MRPS28: variants seen among roughly 807,000 people sequenced by gnomAD.
MRPS28 encodes the protein mitochondrial ribosomal protein S28, also known as small ribosomal subunit protein bS1m.
In MRPS28, 7 loss-of-function variants were observed where a neutral mutation model predicts 10.8. The observed-to-expected ratio is 0.65, with a 90% CI of 0.37 to 1.22. The LOEUF is 1.22. MRPS28 is among the 50% of genes most tolerant of loss of function. The pLI, the probability that MRPS28 is intolerant of heterozygous loss-of-function variation, is 0.02. For missense variants in MRPS28, 265 were observed against 232.9 expected, an observed-to-expected ratio of 1.14 and a Z score of -0.90; for synonymous variants, 121 against 93.3, an observed-to-expected ratio of 1.30 and a Z score of -1.71.
chr8:79,936,017 T>C lies in MRPS28; in HGVS notation c.396-16869A>G, dbSNP rs145407771. Among the ~76,000 whole-genome samples, 3 of 151,738 alleles carry C rather than the reference T, an allele frequency of 2.0e-5. No individual in the cohort carries two copies. In the South Asian group the frequency reaches 6.2e-4, roughly 31 times the overall value. The stretch of plus-strand genomic sequence containing the variant: ...AAAAATGCAAATTAAATCCACATAC[T>C]TTTGCTATTAATATTAAATATAATA... On this transcript the variant is annotated intron_variant, in intron 2 of 2. Coordinates refer to ENST00000276585, the MANE Select transcript of MRPS28 (RefSeq NM_014018.3).
chr8:79,959,182 T>G (rs1229983107), intron 2 of MRPS28, among the ~76,000 whole-genome samples: 1 of 152,114 alleles, frequency 6.6e-6, no homozygotes, highest in Non-Finnish European at 1.5e-5. Context: ...CTAACCGACT[T>G]TAATAATAGC....
At chr8:79,983,557 AC>A (rs1808044938) in intron 2 of MRPS28, among the ~76,000 whole-genome samples, 1 of 152,204 alleles carries the variant, frequency 6.6e-6, no homozygotes, top group South Asian at 2.1e-4. Context: ...AACTAGAATA[AC>A]CAATACAGAG....
rs1277215742 is a variant in MRPS28 at position 79,925,983 on chromosome 8, T to G, written c.396-6835A>C. On this transcript the variant is annotated intron_variant, in intron 2 of 2. Coordinates refer to ENST00000276585, the MANE Select transcript of MRPS28 (RefSeq NM_014018.3). ...GCCTGGGTGACAGAGCAAGACCCTG[T>G]AGAGAAAAGAAAAGAAAAAAAAAAA... Among the ~76,000 whole-genome samples the G allele has an allele frequency of 4.6e-5, 6 of 130,524 alleles. No individual in the cohort carries two copies. In the Admixed American group the frequency reaches 5.1e-4, roughly 11 times the overall value. The allele number at this position is 130,524 out of a possible 152,430, so 85.6% of individuals were successfully genotyped here.
chr8:79,961,207 T>A (rs1807364452), intron 2 of MRPS28, among the ~76,000 whole-genome samples: 1 of 152,142 alleles, frequency 6.6e-6, no homozygotes, highest in African/African-American at 2.4e-5. Context: ...TACTTGAAGA[T>A]AATTCAAGAA....
intron 2 of MRPS28, among the ~76,000 whole-genome samples, chr8:79,935,365 CTTT>C (rs942516049): frequency 3.9e-5 from 6 of 151,910 alleles, no homozygotes; most frequent in African/African-American, 1.2e-4. Context: ...TCTTCTTCTT[CTTT>C]TTTATTTCCT....
Position 79,950,699 on chromosome 8 carries a change from T to C in MRPS28, c.396-31551A>G, listed in dbSNP as rs116995073. 5.2e-3 allele frequency among the ~76,000 whole-genome samples: 797 copies of C among 152,368 alleles called. 4 individuals are homozygous for C. Among genetic ancestry groups the C allele is most frequent in the Non-Finnish European group, 9.4e-3 (641 of 68,030 alleles). On this transcript the variant is annotated intron_variant, in intron 2 of 2. Transcript: ENST00000276585. ...TTATTTGCCATCTGAAGTAAAACTT[T>C]GAGTTTCAGAGCTTTACTTTACATC...
chr8:79,995,443 G>T lies in MRPS28; in HGVS notation c.395+7556C>A, dbSNP rs147317342. Among the ~76,000 whole-genome samples, 66 of 152,234 alleles carry T rather than the reference G, an allele frequency of 4.3e-4. 1 individual carries two copies. The East Asian group carries it at 0.013, about 29-fold the overall frequency. On this transcript the variant is annotated intron_variant, in intron 2 of 2. Transcript: ENST00000276585. ...TAAGAATTGGTACCATCTCAAGCAG[G>T]ATTTCGGATTGAATAATTCCACCTT... is the stretch of plus-strand genomic sequence containing the variant.
At chr8:79,990,333 G>A (rs1808324967) in intron 2 of MRPS28, among the ~76,000 whole-genome samples, 2 of 151,960 alleles carry the variant, frequency 1.3e-5, no homozygotes, top group South Asian at 4.2e-4. Context: ...CTCTGAACAG[G>A]CTCTTCTAGC....
chr8:79,976,953 T>A (rs1327590508), intron 2 of MRPS28, among the ~76,000 whole-genome samples: 1 of 152,186 alleles, frequency 6.6e-6, no homozygotes, highest in Non-Finnish European at 1.5e-5. Context: ...CCTAGAAGTC[T>A]TAACCACAGA....
intron 2 of MRPS28, among the ~76,000 whole-genome samples, chr8:79,970,986 C>T (rs1207883582): frequency 2.0e-5 from 3 of 152,070 alleles, no homozygotes; most frequent in South Asian, 2.1e-4. Flanking sequence ...GGAAAAATGC[C>T]GCCTTTAATA....
At chr8:79,923,937 T>C (rs1253465793) in intron 2 of MRPS28, among the ~76,000 whole-genome samples, 1 of 152,158 alleles carries the variant, frequency 6.6e-6, no homozygotes, top group African/African-American at 2.4e-5. Flanking sequence ...GTTTCTGACA[T>C]TCTTTCCACA....
intron 2 of MRPS28, among the ~76,000 whole-genome samples, chr8:79,959,336 T>A (rs1255011694): frequency 6.6e-6 from 1 of 151,924 alleles, no homozygotes; most frequent in African/African-American, 2.4e-5. Context: ...GAAAAAAAAA[T>A]TCAAATTGTT....
intron 1 of MRPS28, among the ~76,000 whole-genome samples, chr8:80,008,614 G>C (rs534315496): frequency 5.3e-5 from 8 of 152,284 alleles, no homozygotes; most frequent in Admixed American, 3.3e-4. Context: ...GTGGGTGAAG[G>C]ATATGAACAG....
intron 2 of MRPS28, among the ~76,000 whole-genome samples, chr8:79,969,418 G>GA (rs1807575795): frequency 6.6e-6 from 1 of 152,032 alleles, no homozygotes. Context: ...ATAAAGAACT[G>GA]AAAAATCTAG....
chr8:79,985,132 C>A (rs867300661), intron 2 of MRPS28, among the ~76,000 whole-genome samples: 4 of 152,122 alleles, frequency 2.6e-5, no homozygotes, highest in African/African-American at 9.7e-5. Context: ...CACTCAAAAC[C>A]GCTCAACTAC....
chr8:79,985,473 T>C (rs4623477), intron 2 of MRPS28, among the ~76,000 whole-genome samples: 4 of 151,878 alleles, frequency 2.6e-5, no homozygotes, highest in African/African-American at 4.8e-5. Context: ...TTCAAAAAAT[T>C]AATGAATCCA....
At chr8:79,919,529 A>G (rs144543935) in intron 2 of MRPS28, among the ~76,000 whole-genome samples, 1 of 152,048 alleles carries the variant, frequency 6.6e-6, no homozygotes, top group Non-Finnish European at 1.5e-5. Flanking sequence ...GGGTCTCTCT[A>G]TGTTGCCCAG....
chr8:79,937,737 A>T (rs1426807133), intron 2 of MRPS28, among the ~76,000 whole-genome samples: 1 of 152,242 alleles, frequency 6.6e-6, no homozygotes, highest in African/African-American at 2.4e-5. Context: ...TTAGTAAGGA[A>T]ATCACTTTCT....
chr8:79,950,582 A>C (rs1807055399), intron 2 of MRPS28, among the ~76,000 whole-genome samples: 1 of 152,194 alleles, frequency 6.6e-6, no homozygotes, highest in Admixed American at 6.5e-5. Context: ...GCACAATTAC[A>C]AAATGCCTTC....
Sources: gnomAD v4.1 joint callset for allele counts (sites outside exome capture counted in the v4.1 genomes callset) on GRCh38, gnomAD v4.1.1 for gene constraint, MANE v1.5 for transcripts, NCBI Gene and HGNC (gene_info 2026-07-23, HGNC 2026-07-21) for gene names.